The following CRACR2A variants were observed in gnomAD, a reference collection of about 807,000 sequenced individuals.
The protein encoded by CRACR2A is calcium release activated channel regulator 2A.
CRACR2A carries 79 observed loss-of-function variants against 90.5 expected under a neutral mutation model. The ratio of observed to expected loss-of-function variants is 0.87; its 90% CI spans 0.73 to 1.05. The LOEUF (loss-of-function observed/expected upper bound fraction) is 1.05. Ranked by LOEUF, CRACR2A falls within the 50% of genes least tolerant of loss-of-function variation. The pLI, the probability that CRACR2A is intolerant of heterozygous loss-of-function variation, is 0.00. For missense variants in CRACR2A, 823 were observed against 897.2 expected, an observed-to-expected ratio of 0.92 and a Z score of 1.06; for synonymous variants, 338 against 356.7, an observed-to-expected ratio of 0.95 and a Z score of 0.59.
intron 4 of CRACR2A, among the ~76,000 whole-genome samples, chr12:3,691,274 G>A (rs1945646867): frequency 6.6e-6 from 1 of 152,196 alleles, no homozygotes; most frequent in African/African-American, 2.4e-5. Context: ...TTTTGTAGTG[G>A]CTGGTAACAG....
chr12:3,630,132 G>C (rs968726130), intron 15 of CRACR2A, among the ~76,000 whole-genome samples: 3 of 152,180 alleles, frequency 2.0e-5, no homozygotes, highest in Admixed American at 6.5e-5. Context: ...AGGTATGACG[G>C]GATGAAGGGG....
intron 19 of CRACR2A, 147 bp downstream of exon 19, chr12:3,616,807 C>T: frequency 3.2e-6 from 2 of 621,238 alleles, no homozygotes; most frequent in South Asian, 3.9e-5. Flanking sequence ...GGCCCAGGAC[C>T]CCGTTGCCTA....
chr12:3,667,172 G>C (rs562536828), intron 7 of CRACR2A, among the ~76,000 whole-genome samples: 2 of 152,300 alleles, frequency 1.3e-5, no homozygotes, highest in South Asian at 4.1e-4. Flanking sequence ...CTATGCCTTT[G>C]GTTTTCAAGT....
intron 7 of CRACR2A, among the ~76,000 whole-genome samples, chr12:3,664,403 T>A (rs116921610): frequency 0.014 from 2,057 of 152,336 alleles, 18 homozygotes; most frequent in Middle Eastern, 0.031. Context: ...ATGTGTCAAA[T>A]CTGAAGCAAA....
intron 3 of CRACR2A, among the ~76,000 whole-genome samples, chr12:3,707,914 T>C (rs1945952361): frequency 6.6e-6 from 1 of 152,250 alleles, no homozygotes; most frequent in Non-Finnish European, 1.5e-5. Flanking sequence ...AAAGTAACAC[T>C]ATCCCCACTT....
chr12:3,689,348 T>C (rs893974655), intron 4 of CRACR2A, among the ~76,000 whole-genome samples: 1 of 152,216 alleles, frequency 6.6e-6, no homozygotes, highest in Non-Finnish European at 1.5e-5. Context: ...ATGGCTCTTA[T>C]TATTTTGAGG....
At chr12:3,718,156 C>A (rs1319526194) in intron 2 of CRACR2A, among the ~76,000 whole-genome samples, 1 of 152,226 alleles carries the variant, frequency 6.6e-6, no homozygotes, top group African/African-American at 2.4e-5. Flanking sequence ...AAGTGCTTAG[C>A]ACAGGGTATG....
At chr12:3,632,378 A>G (rs1944390540) in intron 15 of CRACR2A, among the ~76,000 whole-genome samples, 1 of 152,098 alleles carries the variant, frequency 6.6e-6, no homozygotes, top group Non-Finnish European at 1.5e-5. Context: ...ACAACCTCTC[A>G]TTTTTCAAAT....
intron 6 of CRACR2A, among the ~76,000 whole-genome samples, chr12:3,677,785 C>T (rs888061754): frequency 6.6e-6 from 1 of 152,218 alleles, no homozygotes; most frequent in East Asian, 1.9e-4. Context: ...CCTGCTACTG[C>T]TGCTGGTCTT....
rs1946635340 is a variant in CRACR2A at position 3,746,839 on chromosome 12, T to C, written c.-387+6176A>G. Among the ~76,000 whole-genome samples, 1 of 152,126 alleles carries C rather than the reference T, an allele frequency of 6.6e-6. No individual in the cohort carries two copies. The highest frequency in any genetic ancestry group is 6.5e-5 in the Admixed American group (1 of 15,272). ...GAGGAGTACATCTCAACAAGTTGGTTGAGAAGGACCAACAAGGGGAGGAGT... is the reference window on the plus strand; with the variant it reads ...GAGGAGTACATCTCAACAAGTTGGTCGAGAAGGACCAACAAGGGGAGGAGT... On this transcript the variant is annotated intron_variant, in intron 1 of 19. Coordinates refer to ENST00000440314, the MANE Select transcript of CRACR2A (RefSeq NM_001144958.2). This position sits in a 1 kb window ranked among gnomAD's most constrained non-coding sequence, Gnocchi z 4.4.
chr12:3,631,851 A>T (rs552444345), intron 15 of CRACR2A, among the ~76,000 whole-genome samples: 1 of 152,214 alleles, frequency 6.6e-6, no homozygotes, highest in South Asian at 2.1e-4. Flanking sequence ...CCCAGGCAGG[A>T]CTCTGGACCA....
chr12:3,627,305 C>T, intron 17 of CRACR2A, 131 bp downstream of exon 17: 1 of 671,098 alleles, frequency 1.5e-6, no homozygotes, highest in African/African-American at 1.8e-5. Flanking sequence ...ATGCCTGCAT[C>T]AGTTTGTTCC....
At chr12:3,728,895 C>T (rs1348131643) in intron 2 of CRACR2A, 4 of 152,188 alleles carry the variant, frequency 2.6e-5, no homozygotes, top group Admixed American at 2.6e-4. Flanking sequence ...TTCTGGGTCC[C>T]ACTTCCTTCC....
chr12:3,710,800 A>G (rs1474300571), intron 3 of CRACR2A, among the ~76,000 whole-genome samples: 1 of 147,576 alleles, frequency 6.8e-6, no homozygotes, highest in Non-Finnish European at 1.5e-5. Flanking sequence ...GCAAAAAAAA[A>G]AAAAAGAAAG....
At position 3,648,566 on chromosome 12, in the gene CRACR2A, A is replaced by G. The variant is rs1476799710; in HGVS notation, c.1094T>C (p.Leu365Pro). Residue 365 changes from leucine to proline, a missense_variant, in exon 11 of 20, where the codon CTC becomes CCC. Coordinates refer to ENST00000440314, the MANE Select transcript of CRACR2A (RefSeq NM_001144958.2). ...CCTTAGGAAATCCAGCTGCTTGAGG[A>G]GCCCGGCCTTCTCACGCTGTAGACT... ...TESLQREKAGLLKQLDFLRER... is the reference protein window; with the variant it reads ...TESLQREKAGPLKQLDFLRER... 1 of 1,614,008 alleles carries G rather than the reference A, an allele frequency of 6.2e-7. No individual in the cohort carries two copies.
intron 4 of CRACR2A, among the ~76,000 whole-genome samples, chr12:3,689,017 T>C (rs769661779): frequency 7.2e-5 from 11 of 152,186 alleles, no homozygotes; most frequent in Admixed American, 6.5e-5. Flanking sequence ...GTTGTTGGTG[T>C]ATAGGAATGC....
At position 3,745,825 on chromosome 12, in the gene CRACR2A, T is replaced by TAAAATAAAAAAG. The variant is rs149739964; in HGVS notation, c.-387+7189_-387+7190insCTTTTTTATTTT. ...TAAAATAAAATAAAATAAAATAAAA[T>TAAAATAAAAAAG]AAAGAAAGAAAAGAGAAGAGAAAAG... On this transcript the variant is annotated intron_variant, in intron 1 of 19. Transcript: ENST00000440314. Among the ~76,000 whole-genome samples, 10 of 100,534 alleles carry TAAAATAAAAAAG rather than the reference T, an allele frequency of 9.9e-5. 1 individual carries two copies. Among genetic ancestry groups the TAAAATAAAAAAG allele is most frequent in the Non-Finnish European group, 1.6e-4 (8 of 50,854 alleles). The allele number at this position is 100,534 out of a possible 152,430, so 66.0% of individuals were successfully genotyped here.
rs1944098235 is a variant in CRACR2A at position 3,619,762 on chromosome 12, GC to G, written c.1933-391del. Among the ~76,000 whole-genome samples the G allele has an allele frequency of 2.0e-5, 3 of 152,318 alleles. No homozygotes were observed. In the South Asian group the frequency reaches 6.2e-4, roughly 32 times the overall value. Reference sequence around the variant, plus strand: ...AGCACCCTGAGGGCGTGCCTAATTGGCCAGGCTTAGTCCGATGGACCAAGGC... The same window carrying G: ...AGCACCCTGAGGGCGTGCCTAATTGGCAGGCTTAGTCCGATGGACCAAGGC... On this transcript the variant is annotated intron_variant, in intron 17 of 19. Transcript: ENST00000440314.
At chr12:3,622,755 C>G (rs556221553) in intron 17 of CRACR2A, among the ~76,000 whole-genome samples, 1 of 152,020 alleles carries the variant, frequency 6.6e-6, no homozygotes, top group East Asian at 1.9e-4. Flanking sequence ...CACATTAAAG[C>G]ATGCAGTTAT....
Sources: gnomAD v4.1 joint callset for allele counts (sites outside exome capture counted in the v4.1 genomes callset) on GRCh38, gnomAD v4.1.1 for gene constraint, Gnocchi (gnomAD v3.1) non-coding constraint, MANE v1.5 for transcripts, NCBI Gene and HGNC (gene_info 2026-07-23, HGNC 2026-07-21) for gene names.